ABL1: variants seen among roughly 807,000 people sequenced by gnomAD.
ABL1 encodes ABL proto-oncogene 1, non-receptor tyrosine kinase.
A neutral mutation model predicts 94.7 loss-of-function variants in ABL1; 11 were observed. That is an observed-to-expected ratio of 0.12 (90% CI 0.07 to 0.19). ABL1 has a LOEUF of 0.19. Ranked by LOEUF, ABL1 falls within the 10% of genes least tolerant of loss-of-function variation. The probability of loss-of-function intolerance (pLI) is 1.00; values close to 1 mark genes in which losing one functional copy is unlikely to be tolerated. For missense variants in ABL1, 1,082 were observed against 1,489.4 expected, an observed-to-expected ratio of 0.73 and a Z score of 4.50; for synonymous variants, 656 against 622.4, an observed-to-expected ratio of 1.05 and a Z score of -0.80.
intron 1 of ABL1, among the ~76,000 whole-genome samples, chr9:130,723,536 C>A (rs892273675): frequency 6.6e-6 from 1 of 152,030 alleles, no homozygotes; most frequent in Non-Finnish European, 1.5e-5. Context: ...TAAAGCAAGA[C>A]CCTATCCTTT....
chr9:130,759,520 A>G (rs1277517383), intron 1 of ABL1, among the ~76,000 whole-genome samples: 1 of 152,268 alleles, frequency 6.6e-6, no homozygotes, highest in Admixed American at 6.5e-5. Flanking sequence ...TAAAGTAAAC[A>G]TAAACAGCAA....
rs1213629556 is a variant in ABL1, at chr9:130,880,418, A to G, written c.1514-82A>G. On this transcript the variant is annotated intron_variant, in intron 9 of 10. Transcript: ENST00000318560. This position sits in a 1 kb window ranked among gnomAD's most constrained non-coding sequence, Gnocchi z 4.4. ...ATGCAGATGAGCACTGTTACCTTAC[A>G]AAGAAAGAGAACCACCACACCAAGC... 1 of 1,526,184 alleles carries G rather than the reference A, an allele frequency of 6.6e-7. No individual in the cohort carries two copies. Among genetic ancestry groups the G allele is most frequent in the African/African-American group, 1.4e-5 (1 of 72,224 alleles). 94.5% of individuals were successfully genotyped at this position (1,526,184 alleles called of 1,614,324 possible).
chr9:130,745,412 A>G (rs1831876185), intron 1 of ABL1, among the ~76,000 whole-genome samples: 1 of 151,796 alleles, frequency 6.6e-6, no homozygotes, highest in African/African-American at 2.4e-5. Context: ...TCAACTGTGT[A>G]GGTGTTCATG....
At chr9:130,879,381 A>C (rs1223235285) in intron 8 of ABL1, among the ~76,000 whole-genome samples, 2 of 152,026 alleles carry the variant, frequency 1.3e-5, no homozygotes, top group African/African-American at 4.8e-5. Flanking sequence ...CCAGTACTCC[A>C]TTTCACTCAT....
intron 1 of ABL1, among the ~76,000 whole-genome samples, chr9:130,769,487 A>G (rs2132764828): frequency 6.6e-6 from 1 of 151,906 alleles, no homozygotes; most frequent in East Asian, 1.9e-4. Flanking sequence ...GTGCACCACC[A>G]TGACTGGCTA....
At chr9:130,753,733 C>T (rs1831999390) in intron 1 of ABL1, among the ~76,000 whole-genome samples, 1 of 151,798 alleles carries the variant, frequency 6.6e-6, no homozygotes, top group African/African-American at 2.4e-5. Context: ...GCCTCATCTC[C>T]TCTTAAATGT....
intron 1 of ABL1, among the ~76,000 whole-genome samples, chr9:130,829,817 CTATT>C (rs1231324453): frequency 6.6e-6 from 1 of 152,180 alleles, no homozygotes; most frequent in African/African-American, 2.4e-5. Context: ...TAAACACTAA[CTATT>C]GATTTATCCC....
intron 1 of ABL1, among the ~76,000 whole-genome samples, chr9:130,812,154 A>C (rs1297439899): frequency 6.8e-6 from 1 of 146,264 alleles, no homozygotes; most frequent in African/African-American, 2.5e-5. Flanking sequence ...ACTTGAAGCC[A>C]GGAGTTTGAG....
intron 1 of ABL1, among the ~76,000 whole-genome samples, chr9:130,775,038 C>T (rs536568858): frequency 6.6e-6 from 1 of 152,108 alleles, no homozygotes; most frequent in South Asian, 2.1e-4. Context: ...TTGAATTTAC[C>T]TGGCCTCTGT....
At chr9:130,759,530 A>C (rs1308302393) in intron 1 of ABL1, among the ~76,000 whole-genome samples, 1 of 152,258 alleles carries the variant, frequency 6.6e-6, no homozygotes, top group Admixed American at 6.5e-5. Context: ...ATAAACAGCA[A>C]GGAATAAGTC....
At chr9:130,864,513 G>T (rs970641378) in intron 4 of ABL1, among the ~76,000 whole-genome samples, 5 of 152,204 alleles carry the variant, frequency 3.3e-5, no homozygotes, top group African/African-American at 1.2e-4. Flanking sequence ...CCAGAGTGCT[G>T]GGATTATAGG....
At chr9:130,735,248 T>G (rs1246602702) in intron 1 of ABL1, among the ~76,000 whole-genome samples, 2 of 152,162 alleles carry the variant, frequency 1.3e-5, no homozygotes, top group Non-Finnish European at 2.9e-5. Context: ...CAGGCTGGTC[T>G]TGAACTCCTG....
rs1470360134 is a variant in ABL1 at position 130,880,076 on chromosome 9, T to C, written c.1432T>C (p.Trp478Arg). Residue 478 changes from tryptophan (W) to arginine (R), a missense_variant, in exon 9 of 11, where the codon TGG becomes CGG. Physicochemically the swap from Trp to Arg is moderately radical, Grantham distance 101. This residue lies in a region of ABL1 where 76 missense variants were observed against 177.1 expected (regional missense o/e 0.43). Transcript: ENST00000318560. The surrounding 1 kb of genome is among the most constrained non-coding windows in gnomAD (Gnocchi z 4.4). ...VYELMRACWQWNPSDRPSFAE... is the reference protein window; with the variant it reads ...VYELMRACWQRNPSDRPSFAE... ...GGGTTTCATCTGTCCAGGTTGGCAGTGGAATCCCTCTGACCGGCCCTCCTT... is the reference window on the plus strand; with the variant it reads ...GGGTTTCATCTGTCCAGGTTGGCAGCGGAATCCCTCTGACCGGCCCTCCTT... The C allele has an allele frequency of 4.3e-6, 7 of 1,614,186 alleles. No homozygotes were observed. The highest frequency in any genetic ancestry group is 2.2e-5 in the East Asian group (1 of 44,872).
chr9:130,781,238 T>A (rs1829751468), intron 1 of ABL1, among the ~76,000 whole-genome samples: 1 of 152,154 alleles, frequency 6.6e-6, no homozygotes, highest in African/African-American at 2.4e-5. Flanking sequence ...TAAACACATG[T>A]AGAATGATTT....
In ABL1 at chr9:130,729,774, C is replaced by T. The variant is rs570172425; in HGVS notation, c.136+15319C>T. ...TTTTTAAGATGGAGTCTCACTCTGT[C>T]GCCCAGGCTGGAGTGCAGTGGTGTG... On this transcript the variant is annotated intron_variant, in intron 1 of 10. Transcript: ENST00000372348. Among the ~76,000 whole-genome samples the T allele has an allele frequency of 2.8e-3, 425 of 151,286 alleles. 1 individual carries two copies. Among genetic ancestry groups the T allele is most frequent in the Non-Finnish European group, 4.7e-3 (320 of 67,842 alleles).
intron 3 of ABL1, among the ~76,000 whole-genome samples, chr9:130,860,552 G>C (rs1301575785): frequency 6.6e-6 from 1 of 152,174 alleles, no homozygotes; most frequent in Non-Finnish European, 1.5e-5. Flanking sequence ...ACGCTCCTTT[G>C]AGGCCCATGT....
At chr9:130,736,455 G>C (rs1831744827) in intron 1 of ABL1, among the ~76,000 whole-genome samples, 1 of 152,058 alleles carries the variant, frequency 6.6e-6, no homozygotes. Flanking sequence ...GGTTTTAAAT[G>C]GTAGGTCTTC....
chr9:130,717,742 A>C (rs1043068655), intron 1 of ABL1, among the ~76,000 whole-genome samples: 2 of 139,942 alleles, frequency 1.4e-5, no homozygotes, highest in African/African-American at 5.4e-5. Context: ...GGCCGGGCAC[A>C]GTGGCTCACG....
chr9:130,843,323 T>A (rs552007211), intron 1 of ABL1, among the ~76,000 whole-genome samples: 3 of 152,282 alleles, frequency 2.0e-5, no homozygotes, highest in African/African-American at 4.8e-5. Flanking sequence ...TGTTCTGTAG[T>A]GAGCATCCCA....
Sources: allele counts gnomAD v4.1 joint callset (sites outside exome capture counted in the v4.1 genomes callset), GRCh38; gene constraint gnomAD v4.1.1; regional missense constraint gnomAD v4.1.1; non-coding constraint Gnocchi (gnomAD v3.1); transcripts MANE v1.5; gene names NCBI Gene and HGNC (gene_info 2026-07-23, HGNC 2026-07-21).